Variants in CIT observed in about 807,000 individuals in gnomAD.
CIT encodes the protein citron rho-interacting serine/threonine kinase, also known as citron Rho-interacting kinase.
In CIT, 79 loss-of-function variants were observed where a neutral mutation model predicts 272.7. The ratio of observed to expected loss-of-function variants is 0.29; its 90% CI spans 0.24 to 0.35. CIT has a LOEUF of 0.35. Ranked by LOEUF, CIT falls within the 10% of genes least tolerant of loss-of-function variation. The pLI is 1.00. For missense variants in CIT, 1,909 were observed against 2,618.3 expected (o/e 0.73, Z 5.91); for synonymous variants, 948 against 995.6 (o/e 0.95, Z 0.90).
chr12:119,760,861 GAGTCTT>G, intron 20 of CIT, 72 bp downstream of exon 20: 2 of 902,036 alleles, frequency 2.2e-6, no homozygotes, highest in Non-Finnish European at 1.8e-6. Context: ...AGGTGAAATA[GAGTCTT>G]ATCAGGGGTG....
intron 23 of CIT, chr12:119,742,712 A>G (rs1375583334): frequency 5.6e-6 from 2 of 358,758 alleles, no homozygotes; most frequent in Non-Finnish European, 1.0e-5. Flanking sequence ...AATATTTTTA[A>G]CATTTATATT....
intron 40 of CIT, among the ~76,000 whole-genome samples, chr12:119,705,255 C>T (rs1956810018): frequency 6.6e-6 from 1 of 152,170 alleles, no homozygotes; most frequent in African/African-American, 2.4e-5. Context: ...AAGTTCTTAG[C>T]TAAGAACTCA....
chr12:119,716,277 C>G (rs1049816100), intron 32 of CIT, among the ~76,000 whole-genome samples: 1 of 147,164 alleles, frequency 6.8e-6, no homozygotes, highest in African/African-American at 2.5e-5. Flanking sequence ...ACTCAGGAAG[C>G]TGAGGCATGA....
chr12:119,752,375 T>A, intron 22 of CIT, 128 bp from the exon 23 acceptor site: 1 of 804,910 alleles, frequency 1.2e-6, no homozygotes, highest in Non-Finnish European at 1.9e-6. Flanking sequence ...TTCTCGGCAC[T>A]CGATAGAGGA....
chr12:119,822,931 A>G lies in CIT; in HGVS notation c.1000T>C (p.Phe334Leu). 1 of 1,613,964 alleles carries G rather than the reference A, an allele frequency of 6.2e-7. No homozygotes were observed. The highest frequency in any genetic ancestry group is 8.5e-7 in the Non-Finnish European group (1 of 1,179,992). The change falls in exon 9 of 48, where the codon TTT becomes CTT. Residue 334 changes from phenylalanine to leucine, a missense_variant. By Grantham distance (22) the Phe-to-Leu change is conservative (BLOSUM62 0). Transcript: ENST00000392521. Reference protein sequence around the residue: ...FPDDPKVSSDFLDLIQSLLCG... With the variant: ...FPDDPKVSSDLLDLIQSLLCG... ...AACAAGCTTTGAATCAGATCAAGAA[A>G]GTCACTGCTCACTTTGGGGTCATCT...
intron 5 of CIT, among the ~76,000 whole-genome samples, 182 bp downstream of exon 5, chr12:119,849,992 G>C (rs1229196665): frequency 6.6e-6 from 1 of 152,178 alleles, no homozygotes; most frequent in Non-Finnish European, 1.5e-5. Flanking sequence ...AGCCCAATGA[G>C]GCTGTTTCTA....
intron 17 of CIT, among the ~76,000 whole-genome samples, chr12:119,772,297 T>C (rs1354035262): frequency 2.0e-5 from 3 of 152,112 alleles, no homozygotes; most frequent in African/African-American, 7.2e-5. Flanking sequence ...ATTATACAAA[T>C]GATTTCAACA....
chr12:119,736,130 G>C (rs1050033220), intron 24 of CIT, among the ~76,000 whole-genome samples: 2 of 152,168 alleles, frequency 1.3e-5, no homozygotes, highest in African/African-American at 2.4e-5. Flanking sequence ...CTGAGATTTA[G>C]TATTATGGCT....
intron 28 of CIT, among the ~76,000 whole-genome samples, chr12:119,724,145 A>G (rs1957960603): frequency 6.6e-6 from 1 of 152,056 alleles, no homozygotes; most frequent in African/African-American, 2.4e-5. Flanking sequence ...ATAAAAGAGA[A>G]GGCAATTTGG....
chr12:119,740,292 T>C (rs1958994244), intron 24 of CIT, among the ~76,000 whole-genome samples: 1 of 152,238 alleles, frequency 6.6e-6, no homozygotes, highest in African/African-American at 2.4e-5. Context: ...TGTATTCCAC[T>C]AAAACTAAAC....
Position 119,825,262 on chromosome 12 carries a change from C to A in CIT, c.860G>T (p.Trp287Leu). Reference sequence around the variant, plus strand: ...CTCATAGGCAATCACGCCCACTGACCACCAGTCACAGTCCAGGCCGTAGGT... The same window carrying A: ...CTCATAGGCAATCACGCCCACTGACAACCAGTCACAGTCCAGGCCGTAGGT... ...KGTYGLDCDWWSVGVIAYEMI... is the reference protein window; with the variant it reads ...KGTYGLDCDWLSVGVIAYEMI... The change falls in exon 8 of 48, where the codon TGG becomes TTG. Residue 287 changes from tryptophan (W) to leucine (L), a missense_variant. Around this residue, in one of 8 missense-constraint regions of CIT, gnomAD observed 529 missense variants for 549.6 expected, o/e 0.96. Transcript: ENST00000392521. The A allele has an allele frequency of 6.2e-7, 1 of 1,614,140 alleles. No homozygotes were observed. Among genetic ancestry groups the A allele is most frequent in the South Asian group, 1.1e-5 (1 of 91,084 alleles).
intron 26 of CIT, among the ~76,000 whole-genome samples, chr12:119,731,560 C>T (rs1958446212): frequency 6.6e-6 from 1 of 151,102 alleles, no homozygotes; most frequent in African/African-American, 2.4e-5. Context: ...ATAGAAAAAC[C>T]AGAAGCAAAA....
intron 9 of CIT, among the ~76,000 whole-genome samples, chr12:119,809,099 G>A (rs1254374880): frequency 6.6e-6 from 1 of 152,188 alleles, no homozygotes; most frequent in African/African-American, 2.4e-5. Context: ...TCATGGGCTG[G>A]AGTGGGGAAA....
chr12:119,853,036 T>C (rs894710110), intron 4 of CIT, among the ~76,000 whole-genome samples: 2 of 152,058 alleles, frequency 1.3e-5, no homozygotes, highest in Admixed American at 1.3e-4. Flanking sequence ...CCTGACTACA[T>C]GGTACTTGCA....
chr12:119,765,164 TA>T (rs1229541340), intron 19 of CIT, among the ~76,000 whole-genome samples: 1 of 151,848 alleles, frequency 6.6e-6, no homozygotes, highest in Non-Finnish European at 1.5e-5. Context: ...ATTTGAGATA[TA>T]ATGACCACTA....
In CIT at chr12:119,797,432, G is replaced by A. The variant is rs576208856; in HGVS notation, c.1295+5774C>T. Reference sequence around the variant, plus strand: ...GAGAAGGAAGAAATTGAATGAGCAAGAGGAGAGGAGAAAATCCAACACAAC... The same window carrying A: ...GAGAAGGAAGAAATTGAATGAGCAAAAGGAGAGGAGAAAATCCAACACAAC... On this transcript the variant is annotated intron_variant, in intron 10 of 47. Transcript: ENST00000392521. 1.4e-4 allele frequency among the ~76,000 whole-genome samples: 21 copies of A among 152,316 alleles called. No homozygotes were observed. In the Middle Eastern group the frequency reaches 0.01, roughly 74 times the overall value.
At chr12:119,838,733 A>G (rs1376553879) in intron 5 of CIT, among the ~76,000 whole-genome samples, 1 of 152,182 alleles carries the variant, frequency 6.6e-6, no homozygotes, top group Non-Finnish European at 1.5e-5. Context: ...CTTTCTGCAT[A>G]TCAAGACAAG....
In CIT at chr12:119,712,088, A is replaced by G. The variant is rs1027955266; in HGVS notation, c.4854+90T>C. On this transcript the variant is annotated intron_variant, in intron 37 of 47. Coordinates refer to ENST00000392521, the MANE Select transcript of CIT (RefSeq NM_001206999.2). The surrounding 1 kb of genome is among the most constrained non-coding windows in gnomAD (Gnocchi z 5.2). ...CAGAGAGAGAGCCTGAGGGGAATCA[A>G]AATGGCCAATGGGATTCTCGTCGTT... The G allele has an allele frequency of 3.1e-6, 4 of 1,309,434 alleles. No homozygotes were observed. The highest frequency in any genetic ancestry group is 2.8e-5 in the South Asian group (2 of 70,194). 81.1% of individuals were successfully genotyped at this position (1,309,434 alleles called of 1,614,324 possible). A position where few individuals can be genotyped will look rare whatever the true frequency, so the allele number is the denominator to read the frequency against.
At chr12:119,867,474 C>CT (rs1378350071) in intron 3 of CIT, among the ~76,000 whole-genome samples, 1 of 152,192 alleles carries the variant, frequency 6.6e-6, no homozygotes, top group Non-Finnish European at 1.5e-5. Flanking sequence ...ACGCATGAGC[C>CT]ACCGCGCCCA....
Sources: allele counts gnomAD v4.1 joint callset (sites outside exome capture counted in the v4.1 genomes callset), GRCh38; gene constraint gnomAD v4.1.1; regional missense constraint gnomAD v4.1.1; non-coding constraint Gnocchi (gnomAD v3.1); transcripts MANE v1.5; gene names NCBI Gene and HGNC (gene_info 2026-07-23, HGNC 2026-07-21).